CNNM2: variants seen among roughly 807,000 people sequenced by gnomAD.
CNNM2 encodes metal transporter CNNM2.
Under a neutral mutation model 66.9 loss-of-function variants are expected in CNNM2, and 12 were observed. That is an observed-to-expected ratio of 0.18 (90% CI 0.11 to 0.29). The LOEUF (loss-of-function observed/expected upper bound fraction) is 0.29, where lower values mean the gene tolerates loss of function less well. Among genes scored for constraint, CNNM2 ranks in the 10% least tolerant of loss-of-function variants. CNNM2 has a pLI of 1.00. For synonymous variants in CNNM2, 557 were observed against 501.8 expected, an observed-to-expected ratio of 1.11 and a Z score of -1.47; for missense variants, 705 against 1,167.7, an observed-to-expected ratio of 0.60 and a Z score of 5.77.
rs967507409 is a variant in CNNM2 at position 103,087,389 on chromosome 10, C to A, written c.*10209C>A. The stretch of plus-strand genomic sequence containing the variant: ...TCTTGAATACGTTTTGGTGGTCCTA[C>A]GGAGAGCTGTAACTAGCAGTGGAGT... On this transcript the variant is annotated 3_prime_UTR_variant, in exon 8 of 8. Transcript: ENST00000369878. The A allele has an allele frequency of 6.6e-6, 1 of 151,816 alleles. No individual in the cohort carries two copies. Among genetic ancestry groups the A allele is most frequent in the Non-Finnish European group, 1.5e-5 (1 of 67,994 alleles). The allele number at this position is 151,816 out of a possible 1,614,324, so 9.4% of individuals were successfully genotyped here.
chr10:103,038,529 C>A (rs888504183), intron 1 of CNNM2, among the ~76,000 whole-genome samples: 1 of 152,144 alleles, frequency 6.6e-6, no homozygotes, highest in African/African-American at 2.4e-5. Flanking sequence ...CTGTCATCGA[C>A]GCTAATAGAT....
chr10:102,989,381 C>CT (rs963747731), intron 1 of CNNM2, among the ~76,000 whole-genome samples: 16 of 150,262 alleles, frequency 1.1e-4, no homozygotes, highest in East Asian at 3.9e-4. Context: ...TTTCATTCTT[C>CT]TTTTTTTTTG....
chr10:102,977,910 TTTG>T (rs1184516062), intron 1 of CNNM2, among the ~76,000 whole-genome samples: 5 of 151,842 alleles, frequency 3.3e-5, no homozygotes, highest in Admixed American at 1.3e-4. Flanking sequence ...TGGGACCTAT[TTTG>T]TTGTTGTTGT....
At chr10:102,986,332 C>A (rs2063796899) in intron 1 of CNNM2, among the ~76,000 whole-genome samples, 1 of 151,978 alleles carries the variant, frequency 6.6e-6, no homozygotes, top group Admixed American at 6.6e-5. Flanking sequence ...CGGCTCACTG[C>A]AACCTCTGCC....
chr10:102,919,530 C>T lies in CNNM2; in HGVS notation c.1050C>T (p.Ile350=). 6.2e-7 allele frequency: 1 copy of T among 1,613,298 alleles called. No homozygotes were observed. The highest frequency in any genetic ancestry group is 2.2e-5 in the East Asian group (1 of 44,882). Residue 350 remains isoleucine, a synonymous_variant, in exon 1 of 8, where the codon ATC becomes ATT. Coordinates refer to ENST00000369878, the MANE Select transcript of CNNM2 (RefSeq NM_017649.5). ...SGLVAVVVST[I]GIVIFGEIVP... is the part of the protein sequence containing the mutation. Reference sequence around the variant, plus strand: ...TCGTGGCCGTGGTAGTCTCCACCATCGGTATCGTCATCTTCGGAGAGATCG... The same window carrying T: ...TCGTGGCCGTGGTAGTCTCCACCATTGGTATCGTCATCTTCGGAGAGATCG...
At chr10:103,027,589 T>A (rs541918247) in intron 1 of CNNM2, 5 of 152,342 alleles carry the variant, frequency 3.3e-5, no homozygotes, top group Non-Finnish European at 7.4e-5. Flanking sequence ...TAAGCCTACA[T>A]AGGATTGAAT....
At chr10:103,006,651 G>A (rs1047913182) in intron 1 of CNNM2, among the ~76,000 whole-genome samples, 1 of 152,052 alleles carries the variant, frequency 6.6e-6, no homozygotes, top group Non-Finnish European at 1.5e-5. Flanking sequence ...CTTTTACTTA[G>A]GGTCTCACTC....
intron 1 of CNNM2, among the ~76,000 whole-genome samples, chr10:102,992,647 G>T (rs142452876): frequency 7.2e-5 from 11 of 152,212 alleles, no homozygotes; most frequent in Non-Finnish European, 1.6e-4. Context: ...GAGGCTGGGA[G>T]GTTGACCTTT....
intron 1 of CNNM2, among the ~76,000 whole-genome samples, chr10:103,015,588 T>G (rs1237202425): frequency 6.6e-6 from 1 of 152,198 alleles, no homozygotes; most frequent in African/African-American, 2.4e-5. Context: ...CTGCAGTGGC[T>G]CACGCCTGTA....
At chr10:103,032,009 T>C (rs2064833274) in intron 1 of CNNM2, among the ~76,000 whole-genome samples, 1 of 152,226 alleles carries the variant, frequency 6.6e-6, no homozygotes, top group Non-Finnish European at 1.5e-5. Context: ...ACTGCAAGCC[T>C]GCGTGAACTA....
At chr10:102,975,747 T>C (rs1179792281) in intron 1 of CNNM2, among the ~76,000 whole-genome samples, 2 of 152,206 alleles carry the variant, frequency 1.3e-5, no homozygotes, top group African/African-American at 2.4e-5. Context: ...TAAAATTCTT[T>C]GGTAAATGAC....
rs548780745 is a variant in CNNM2 at position 103,002,452 on chromosome 10, C to T, written c.1622-47255C>T. 3.7e-4 allele frequency among the ~76,000 whole-genome samples: 55 copies of T among 149,174 alleles called. 1 individual carries two copies. In the South Asian group the frequency reaches 9.1e-3, roughly 25 times the overall value. ...GAAAAAGATAACAAGCCTGGGCTGG[C>T]GAGGATGTGGCTGACAAGACTGGAA... On this transcript the variant is annotated intron_variant, in intron 1 of 7. Coordinates refer to ENST00000369878, the MANE Select transcript of CNNM2 (RefSeq NM_017649.5).
intron 1 of CNNM2, among the ~76,000 whole-genome samples, chr10:103,023,225 A>G (rs949352011): frequency 2.0e-5 from 3 of 152,176 alleles, no homozygotes; most frequent in African/African-American, 7.2e-5. Flanking sequence ...ACTCTTTTAA[A>G]TGATCAGATC....
intron 1 of CNNM2, among the ~76,000 whole-genome samples, chr10:102,979,375 G>A (rs533243595): frequency 6.6e-6 from 1 of 152,232 alleles, no homozygotes; most frequent in African/African-American, 2.4e-5. Flanking sequence ...CTAAGCACAC[G>A]TATCTTCAGG....
intron 1 of CNNM2, among the ~76,000 whole-genome samples, chr10:103,043,080 A>G (rs918295507): frequency 6.6e-6 from 1 of 152,196 alleles, no homozygotes; most frequent in African/African-American, 2.4e-5. Flanking sequence ...CTTCAGGGAA[A>G]CATGAAGCAT....
At chr10:102,981,348 CAAAA>C (rs758995622) in intron 1 of CNNM2, among the ~76,000 whole-genome samples, 13 of 150,406 alleles carry the variant, frequency 8.6e-5, no homozygotes, top group Non-Finnish European at 1.5e-4. Flanking sequence ...AGACCAGTCT[CAAAA>C]AAAAACCCCA....
chr10:103,054,306 C>A lies in CNNM2; in HGVS notation c.1766-23C>A. Reference sequence around the variant, plus strand: ...TCATGGGATGCATTTCTTTTTTTTTCTCTCTTTTAATTCCTCCCTTAGCTG... The same window carrying A: ...TCATGGGATGCATTTCTTTTTTTTTATCTCTTTTAATTCCTCCCTTAGCTG... On this transcript the variant is annotated intron_variant, in intron 2 of 7. Coordinates refer to ENST00000369878, the MANE Select transcript of CNNM2 (RefSeq NM_017649.5). The surrounding 1 kb of genome is among the most constrained non-coding windows in gnomAD (Gnocchi z 5.2). 1 of 1,593,712 alleles carries A rather than the reference C, an allele frequency of 6.3e-7. No individual in the cohort carries two copies. Among genetic ancestry groups the A allele is most frequent in the Non-Finnish European group, 8.5e-7 (1 of 1,173,160 alleles).
At chr10:103,073,203 C>T (rs1719789882) in intron 6 of CNNM2, among the ~76,000 whole-genome samples, 1 of 152,184 alleles carries the variant, frequency 6.6e-6, no homozygotes, top group African/African-American at 2.4e-5. Context: ...TCCACTCACA[C>T]AAACAGAGGG....
chr10:103,034,294 G>A (rs2064886287), intron 1 of CNNM2, among the ~76,000 whole-genome samples: 1 of 151,134 alleles, frequency 6.6e-6, no homozygotes. Flanking sequence ...AGTGAGAAAA[G>A]GGGTTAAGGT....
Sources: gnomAD v4.1 joint callset for allele counts (sites outside exome capture counted in the v4.1 genomes callset) on GRCh38, gnomAD v4.1.1 for gene constraint, Gnocchi (gnomAD v3.1) non-coding constraint, MANE v1.5 for transcripts, NCBI Gene and HGNC (gene_info 2026-07-23, HGNC 2026-07-21) for gene names.